IGSF5: variants seen among roughly 807,000 people sequenced by gnomAD.
IGSF5 encodes immunoglobulin superfamily 5 like.
A neutral mutation model predicts 39.4 loss-of-function variants in IGSF5; 41 were observed. The ratio of observed to expected loss-of-function variants is 1.04; its 90% CI spans 0.81 to 1.35. The LOEUF is 1.35. IGSF5 is among the 40% of genes most tolerant of loss of function. The pLI, the probability that IGSF5 is intolerant of heterozygous loss-of-function variation, is 0.00. For synonymous variants in IGSF5, 183 were observed against 175.3 expected (o/e 1.04, Z -0.34); for missense variants, 487 against 494.6 (o/e 0.98, Z 0.15).
chr21:39,721,197 G>A, the IGSF5 span, among the ~76,000 whole-genome samples: 3 of 152,272 alleles, frequency 2.0e-5, no homozygotes, highest in South Asian at 4.1e-4. Flanking sequence ...GACAAAACTC[G>A]TGGCCTCCCA....
At chr21:39,755,036 TTGAG>T (rs2080022775) in intron 2 of IGSF5, among the ~76,000 whole-genome samples, 1 of 152,138 alleles carries the variant, frequency 6.6e-6, no homozygotes, top group African/African-American at 2.4e-5. Flanking sequence ...GAATGGAGTG[TTGAG>T]TAAGTTAAGC....
intron 2 of IGSF5, among the ~76,000 whole-genome samples, chr21:39,756,631 T>A (rs1361086930): frequency 6.6e-6 from 1 of 152,132 alleles, no homozygotes; most frequent in Non-Finnish European, 1.5e-5. Flanking sequence ...ACTCCACTCA[T>A]TGGTGCTGTG....
chr21:39,772,213 T>TA (rs2080118714), intron 4 of IGSF5, among the ~76,000 whole-genome samples: 1 of 152,186 alleles, frequency 6.6e-6, no homozygotes, highest in Non-Finnish European at 1.5e-5. Context: ...ATTCCTATTG[T>TA]AAAGGCAAGG....
intron 2 of IGSF5, among the ~76,000 whole-genome samples, chr21:39,760,891 A>T (rs1451713535): frequency 2.0e-5 from 3 of 152,116 alleles, no homozygotes; most frequent in Non-Finnish European, 4.4e-5. Flanking sequence ...AAATATGATA[A>T]TGTTAAGGAT....
chr21:39,764,490 C>A (rs970112920), intron 2 of IGSF5, among the ~76,000 whole-genome samples: 1 of 152,176 alleles, frequency 6.6e-6, no homozygotes, highest in South Asian at 2.1e-4. Context: ...CAGGGATCCA[C>A]AACCACGCCT....
intron 5 of IGSF5, among the ~76,000 whole-genome samples, chr21:39,786,038 T>C (rs1054508910): frequency 1.3e-5 from 2 of 152,134 alleles, no homozygotes; most frequent in African/African-American, 4.8e-5. Context: ...ATTCAGAACA[T>C]AGGCATGGGC....
chr21:39,751,931 C>T (rs1392471655), intron 2 of IGSF5, among the ~76,000 whole-genome samples: 1 of 152,278 alleles, frequency 6.6e-6, no homozygotes, highest in Non-Finnish European at 1.5e-5. Context: ...ATGCCAGCAC[C>T]TTTTTATTGA....
chr21:39,798,613 C>T (rs563198532), intron 8 of IGSF5, among the ~76,000 whole-genome samples: 15 of 152,248 alleles, frequency 9.9e-5, no homozygotes, highest in African/African-American at 1.9e-4. Flanking sequence ...TCAAGGCTGC[C>T]GTGGGTCTCT....
chr21:39,749,956 T>G (rs2079996632), intron 2 of IGSF5, among the ~76,000 whole-genome samples: 1 of 152,230 alleles, frequency 6.6e-6, no homozygotes, highest in South Asian at 2.1e-4. Context: ...CAGCTACAAT[T>G]TACATTGCCA....
At chr21:39,714,996 G>C in the IGSF5 span, among the ~76,000 whole-genome samples, 1 of 151,418 alleles carries the variant, frequency 6.6e-6, no homozygotes, top group African/African-American at 2.4e-5. Flanking sequence ...TGATGGGCCT[G>C]GGCCAGGACT....
intron 5 of IGSF5, among the ~76,000 whole-genome samples, chr21:39,785,870 G>C (rs1294125307): frequency 6.6e-6 from 1 of 152,130 alleles, no homozygotes; most frequent in African/African-American, 2.4e-5. Context: ...TCTGTTGTTG[G>C]TGTATAAGAA....
At chr21:39,795,225 G>C (rs1297082973) in intron 8 of IGSF5, among the ~76,000 whole-genome samples, 1 of 152,088 alleles carries the variant, frequency 6.6e-6, no homozygotes, top group Non-Finnish European at 1.5e-5. Context: ...ATTTAATTTG[G>C]AGCTGGAAGG....
chr21:39,788,928 CT>C (rs2086942687), intron 6 of IGSF5, among the ~76,000 whole-genome samples: 1 of 151,916 alleles, frequency 6.6e-6, no homozygotes, highest in African/African-American at 2.4e-5. Context: ...TCTAAAATAC[CT>C]TTTGGCTACA....
chr21:39,788,764 C>T (rs193210973), intron 6 of IGSF5, among the ~76,000 whole-genome samples: 2 of 152,298 alleles, frequency 1.3e-5, no homozygotes, highest in East Asian at 3.9e-4. Context: ...CAATAAGTAG[C>T]CAGTAACCCT....
upstream of IGSF5, among the ~76,000 whole-genome samples, chr21:39,743,632 G>C (rs201619423): frequency 0.25 from 8,110 of 32,294 alleles, 331 homozygotes; most frequent in Middle Eastern, 0.48. Flanking sequence ...GAAGGAGTCA[G>C]GGGGATGTTG....
intron 8 of IGSF5, among the ~76,000 whole-genome samples, chr21:39,796,265 T>C (rs899197654): frequency 1.3e-5 from 2 of 152,144 alleles, no homozygotes; most frequent in African/African-American, 4.8e-5. Flanking sequence ...CTACAGCTTG[T>C]AGAAGCAGTC....
upstream of IGSF5, among the ~76,000 whole-genome samples, chr21:39,743,334 G>A (rs2079955946): frequency 6.6e-6 from 1 of 152,188 alleles, no homozygotes; most frequent in Non-Finnish European, 1.5e-5. Flanking sequence ...GTCTGATTTA[G>A]CAGTAACATT....
chr21:39,745,894 C>T lies in IGSF5; in HGVS notation c.18-322C>T, dbSNP rs145695179. 5.4e-3 allele frequency among the ~76,000 whole-genome samples: 815 copies of T among 152,110 alleles called. 8 individuals are homozygous for T. The highest frequency in any genetic ancestry group is 0.017 in the African/African-American group (709 of 41,436). On this transcript the variant is annotated intron_variant, in intron 1 of 8. Transcript: ENST00000380588. ...TTACTCACTGCTTTGGATGTCCCTTCGTGGTTGCCAAAATGTTACGGGGGG... is the reference window on the plus strand; with the variant it reads ...TTACTCACTGCTTTGGATGTCCCTTTGTGGTTGCCAAAATGTTACGGGGGG...
chr21:39,799,257 A>C (rs1372653237), intron 8 of IGSF5, among the ~76,000 whole-genome samples: 2 of 152,156 alleles, frequency 1.3e-5, no homozygotes, highest in Non-Finnish European at 1.5e-5. Flanking sequence ...GGAATTCTCT[A>C]TTCCGGTTTT....
Sources: gnomAD v4.1 joint callset for allele counts (sites outside exome capture counted in the v4.1 genomes callset) on GRCh38, gnomAD v4.1.1 for gene constraint, MANE v1.5 for transcripts, NCBI Gene and HGNC (gene_info 2026-07-23, HGNC 2026-07-21) for gene names.